Variants in TRIO observed in about 807,000 individuals in gnomAD.
TRIO encodes the protein trio Rho guanine nucleotide exchange factor.
A neutral mutation model predicts 351.9 loss-of-function variants in TRIO; 58 were observed. The ratio of observed to expected loss-of-function variants is 0.16; its 90% CI spans 0.13 to 0.21. The LOEUF (loss-of-function observed/expected upper bound fraction) is 0.21, where lower values mean the gene tolerates loss of function less well. TRIO is among the 10% of genes least tolerant of loss of function. TRIO has a pLI of 1.00. For synonymous variants in TRIO, 1,758 were observed against 1,595.7 expected, an observed-to-expected ratio of 1.10 and a Z score of -2.42; for missense variants, 3,201 against 4,027.8, an observed-to-expected ratio of 0.79 and a Z score of 5.56.
chr5:14,262,540 G>C (rs1483617819), intron 1 of TRIO, among the ~76,000 whole-genome samples: 2 of 152,146 alleles, frequency 1.3e-5, no homozygotes, highest in East Asian at 3.9e-4. Flanking sequence ...ATATTTGTTT[G>C]AGAAACATGC....
At chr5:14,413,217 A>G (rs1412861400) in intron 33 of TRIO, among the ~76,000 whole-genome samples, 1 of 152,200 alleles carries the variant, frequency 6.6e-6, no homozygotes, top group Admixed American at 6.5e-5. Flanking sequence ...CTAAGAATGA[A>G]ATGTTTTACT....
At chr5:14,440,395 C>G (rs924961618) in intron 34 of TRIO, among the ~76,000 whole-genome samples, 2 of 152,202 alleles carry the variant, frequency 1.3e-5, no homozygotes, top group African/African-American at 4.8e-5. Context: ...ACAGTTCCCA[C>G]GCAGTGGACA....
Position 14,363,860 on chromosome 5 carries a change from C to T in TRIO, c.2520C>T (p.Asn840=). The stretch of plus-strand genomic sequence containing the variant: ...CAGACAAAGCCTTGACCATGAACAA[C>T]TTGACTTTTGACGTCATCCACCAAG... ...HHADKALTMN[N]LTFDVIHQGQ... Residue 840 remains asparagine (N), a synonymous_variant, in exon 14 of 57, where the codon AAC becomes AAT. Transcript: ENST00000344204. The T allele has an allele frequency of 6.2e-7, 1 of 1,614,220 alleles. No individual in the cohort carries two copies. Among genetic ancestry groups the T allele is most frequent in the Non-Finnish European group, 8.5e-7 (1 of 1,180,036 alleles).
chr5:14,259,519 G>T (rs1255386702), intron 1 of TRIO, among the ~76,000 whole-genome samples: 5 of 152,166 alleles, frequency 3.3e-5, no homozygotes, highest in African/African-American at 1.2e-4. Context: ...AATAATAGGG[G>T]CCTATCTACC....
intron 7 of TRIO, among the ~76,000 whole-genome samples, chr5:14,299,469 A>T (rs1387385359): frequency 6.6e-6 from 1 of 151,726 alleles, no homozygotes; most frequent in Non-Finnish European, 1.5e-5. Context: ...AAATGCACAG[A>T]TGGGAGATTA....
Position 14,461,148 on chromosome 5 carries a change from C to T in TRIO, c.5333C>T (p.Thr1778Ile), listed in dbSNP as rs1358672246. The change falls in exon 35 of 57, where the codon ACC (threonine) becomes ATC (isoleucine). Residue 1778 changes from threonine (T) to isoleucine (I), a missense_variant. Thr to Ile is a moderately conservative substitution (Grantham distance 89). This residue lies in a region of TRIO where 193 missense variants were observed against 218.8 expected (regional missense o/e 0.88). Coordinates refer to ENST00000344204, the MANE Select transcript of TRIO (RefSeq NM_007118.4). ...GGCAACACCCTGCGCAAGTGGCTCACCAGCCCCGTGCGGCGGCTCAGCAGC... is the reference window on the plus strand; with the variant it reads ...GGCAACACCCTGCGCAAGTGGCTCATCAGCCCCGTGCGGCGGCTCAGCAGC... ...RPGNTLRKWL[T>I]SPVRRLSSGK... 6.4e-6 allele frequency: 10 copies of T among 1,556,086 alleles called. No individual in the cohort carries two copies. Among genetic ancestry groups the T allele is most frequent in the South Asian group, 1.2e-5 (1 of 84,570 alleles).
chr5:14,219,784 G>T (rs967501798), intron 1 of TRIO, among the ~76,000 whole-genome samples: 8 of 152,028 alleles, frequency 5.3e-5, no homozygotes, highest in Non-Finnish European at 8.8e-5. Flanking sequence ...TAACATTAAA[G>T]AACCATTTCT....
At chr5:14,279,467 G>C (rs1460319484) in intron 2 of TRIO, among the ~76,000 whole-genome samples, 1 of 152,184 alleles carries the variant, frequency 6.6e-6, no homozygotes, top group African/African-American at 2.4e-5. Context: ...CTCCCGAAGA[G>C]AGATCATTAG....
chr5:14,371,230 C>G (rs555284802), intron 18 of TRIO, among the ~76,000 whole-genome samples: 2 of 152,140 alleles, frequency 1.3e-5, no homozygotes, highest in African/African-American at 4.8e-5. Context: ...TTTTGACTTA[C>G]GATTTTTTTG....
intron 1 of TRIO, among the ~76,000 whole-genome samples, chr5:14,158,023 T>C (rs1374933292): frequency 6.6e-6 from 1 of 152,150 alleles, no homozygotes; most frequent in Non-Finnish European, 1.5e-5. Context: ...TTCTGGAAAA[T>C]TTGGCCTCTG....
chr5:14,254,304 C>T (rs2152251505), intron 1 of TRIO, among the ~76,000 whole-genome samples: 1 of 152,226 alleles, frequency 6.6e-6, no homozygotes, highest in African/African-American at 2.4e-5. Flanking sequence ...CTGCCTCAAC[C>T]TCCCAAGTAG....
At chr5:14,234,736 CAATT>C (rs1214489418) in intron 1 of TRIO, among the ~76,000 whole-genome samples, 6 of 152,106 alleles carry the variant, frequency 3.9e-5, no homozygotes, top group African/African-American at 9.7e-5. Flanking sequence ...GCAAATATGT[CAATT>C]AATTAAGAGA....
chr5:14,406,051 A>G, intron 32 of TRIO, 61 bp downstream of exon 32: 1 of 1,565,646 alleles, frequency 6.4e-7, no homozygotes, highest in Admixed American at 1.9e-5. Flanking sequence ...AGGCGGTGTT[A>G]GCTCACCCTG....
chr5:14,428,018 A>G (rs1251359581), intron 34 of TRIO, among the ~76,000 whole-genome samples: 1 of 152,122 alleles, frequency 6.6e-6, no homozygotes, highest in Non-Finnish European at 1.5e-5. Context: ...GGCCTCTAGC[A>G]TTTCTCCAGG....
At chr5:14,353,439 T>G (rs1743321108) in intron 11 of TRIO, among the ~76,000 whole-genome samples, 1 of 152,070 alleles carries the variant, frequency 6.6e-6, no homozygotes, top group African/African-American at 2.4e-5. Context: ...TTTTTTTGTA[T>G]TTTTAGTAGA....
chr5:14,479,828 A>G, intron 42 of TRIO, 91 bp from the exon 43 acceptor site: 1 of 1,132,778 alleles, frequency 8.8e-7, no homozygotes, highest in South Asian at 1.5e-5. Context: ...TTTTACTGCC[A>G]GTGTTGTAGT....
At chr5:14,183,610 A>G (rs973751192) in intron 1 of TRIO, among the ~76,000 whole-genome samples, 4 of 152,140 alleles carry the variant, frequency 2.6e-5, no homozygotes, top group African/African-American at 7.2e-5. Flanking sequence ...AGAAAAAAAC[A>G]GAAAAGAATT....
chr5:14,295,896 C>G (rs1408542354), intron 6 of TRIO, among the ~76,000 whole-genome samples: 1 of 152,192 alleles, frequency 6.6e-6, no homozygotes, highest in Non-Finnish European at 1.5e-5. Context: ...AACCCTGAGG[C>G]TGGAGTCCTG....
chr5:14,277,784 T>G (rs954531436), intron 2 of TRIO, among the ~76,000 whole-genome samples: 1 of 152,216 alleles, frequency 6.6e-6, no homozygotes, highest in Non-Finnish European at 1.5e-5. Context: ...GATTTTAAGC[T>G]CCTTGAGGTT....
Sources: gnomAD v4.1 joint callset for allele counts (sites outside exome capture counted in the v4.1 genomes callset) on GRCh38, gnomAD v4.1.1 for gene constraint, gnomAD v4.1.1 regional missense constraint, MANE v1.5 for transcripts, NCBI Gene and HGNC (gene_info 2026-07-23, HGNC 2026-07-21) for gene names.